SEC24B: variants seen among roughly 807,000 people sequenced by gnomAD.
SEC24B encodes protein transport protein Sec24B.
In SEC24B, 45 loss-of-function variants were observed where a neutral mutation model predicts 142.8. The ratio of observed to expected loss-of-function variants is 0.32; its 90% confidence interval spans 0.25 to 0.40. The LOEUF is 0.40. Ranked by LOEUF, SEC24B falls within the 10% of genes least tolerant of loss-of-function variation. The probability of loss-of-function intolerance (pLI) is 1.00; values close to 1 mark genes in which losing one functional copy is unlikely to be tolerated. For missense variants in SEC24B, 1,409 were observed against 1,526.8 expected (o/e 0.92, Z 1.29); for synonymous variants, 574 against 568.2 (o/e 1.01, Z -0.15).
intron 3 of SEC24B, among the ~76,000 whole-genome samples, chr4:109,480,572 C>T (rs1440863020): frequency 2.0e-5 from 3 of 152,194 alleles, no homozygotes; most frequent in Admixed American, 2.0e-4. Flanking sequence ...ACCTCTGCCT[C>T]CCAGCAGAGG....
intron 2 of SEC24B, among the ~76,000 whole-genome samples, chr4:109,468,451 C>G (rs1327055491): frequency 6.6e-6 from 1 of 152,176 alleles, no homozygotes; most frequent in African/African-American, 2.4e-5. Flanking sequence ...GCCTCAATTT[C>G]TGCTGGACTG....
At chr4:109,450,728 C>T (rs548369923) in intron 1 of SEC24B, 19 of 148,930 alleles carry the variant, frequency 1.3e-4, no homozygotes, top group African/African-American at 4.4e-4. Context: ...CTCTCACCTG[C>T]ATCAATTACT....
At chr4:109,514,692 C>T (rs1335547418) in intron 10 of SEC24B, among the ~76,000 whole-genome samples, 3 of 152,150 alleles carry the variant, frequency 2.0e-5, no homozygotes, top group Admixed American at 2.0e-4. Flanking sequence ...GGGAAGACTC[C>T]GTCTCAAAAA....
At chr4:109,528,435 A>G (rs1292513032) in intron 18 of SEC24B, among the ~76,000 whole-genome samples, 3 of 151,880 alleles carry the variant, frequency 2.0e-5, no homozygotes, top group Non-Finnish European at 4.4e-5. Flanking sequence ...CATCTCAAAA[A>G]AAAAAAAAAA....
intron 5 of SEC24B, among the ~76,000 whole-genome samples, chr4:109,493,806 A>C (rs1578891168): frequency 6.6e-6 from 1 of 152,260 alleles, no homozygotes; most frequent in East Asian, 1.9e-4. Context: ...CATGTTGGCC[A>C]GGCTGGTCTC....
At chr4:109,538,389 T>G (rs1384929212) in intron 22 of SEC24B, 104 bp from the exon 23 acceptor site, 18 of 699,378 alleles carry the variant, frequency 2.6e-5, no homozygotes, top group Non-Finnish European at 4.4e-5. Flanking sequence ...GGCTAAGAAA[T>G]AGAGTGCTGG....
chr4:109,499,608 A>C (rs1405217591), intron 6 of SEC24B, among the ~76,000 whole-genome samples: 2 of 152,232 alleles, frequency 1.3e-5, no homozygotes, highest in Non-Finnish European at 2.9e-5. Context: ...TGGTCCCATA[A>C]GATTATAATG....
At chr4:109,461,483 TA>T (rs1468274558) in intron 1 of SEC24B, among the ~76,000 whole-genome samples, 2 of 152,198 alleles carry the variant, frequency 1.3e-5, no homozygotes, top group African/African-American at 4.8e-5. Flanking sequence ...ATCTCTACAA[TA>T]AAGTACTATA....
chr4:109,534,237 T>C (rs1486070779), intron 22 of SEC24B, among the ~76,000 whole-genome samples: 1 of 151,620 alleles, frequency 6.6e-6, no homozygotes, highest in Non-Finnish European at 1.5e-5. Context: ...CATTTAAACG[T>C]AAAAAAGGAA....
intron 3 of SEC24B, among the ~76,000 whole-genome samples, chr4:109,475,009 C>T (rs917898401): frequency 2.6e-5 from 4 of 152,098 alleles, no homozygotes; most frequent in Admixed American, 6.6e-5. Flanking sequence ...GTAACTTGCC[C>T]AAGACTACAA....
intron 4 of SEC24B, among the ~76,000 whole-genome samples, chr4:109,482,644 G>C (rs1733848866): frequency 6.6e-6 from 1 of 151,484 alleles, no homozygotes; most frequent in East Asian, 1.9e-4. Flanking sequence ...ATTTTGCTTT[G>C]TTTTTTATTT....
chr4:109,449,522 A>G, intron 1 of SEC24B: 1 of 455,178 alleles, frequency 2.2e-6, no homozygotes, highest in Non-Finnish European at 4.4e-6. Context: ...GTGTGCCACT[A>G]CGCCCAGACA....
At chr4:109,498,655 C>A (rs761783614) in intron 6 of SEC24B, among the ~76,000 whole-genome samples, 1 of 152,196 alleles carries the variant, frequency 6.6e-6, no homozygotes. Context: ...TGACCCACCA[C>A]GCCTGGCTCA....
At position 109,494,707 on chromosome 4, in the gene SEC24B, C is replaced by T. The variant is rs769376284; in HGVS notation, c.1339C>T (p.Pro447Ser). The stretch of plus-strand genomic sequence containing the variant: ...TCCAGCTCCAGCTTCAGCTCCAGCT[C>T]CTGTCGTCCCTCAGCCTTCAAAAAT... ...SAPAPASAPA[P>S]VVPQPSKMAK... Residue 447 changes from proline to serine, a missense_variant, in exon 6 of 24, where the codon CCT becomes TCT. By Grantham distance (74) the Pro-to-Ser change is moderately conservative (BLOSUM62 -1). Transcript: ENST00000265175. 6.2e-7 allele frequency: 1 copy of T among 1,614,008 alleles called. No individual in the cohort carries two copies. The highest frequency in any genetic ancestry group is 1.1e-5 in the South Asian group (1 of 91,078).
At chr4:109,476,875 C>T (rs1166751037) in intron 3 of SEC24B, among the ~76,000 whole-genome samples, 1 of 152,158 alleles carries the variant, frequency 6.6e-6, no homozygotes, top group African/African-American at 2.4e-5. Context: ...CAGTGGCTCA[C>T]GCCTGTAATC....
intron 4 of SEC24B, among the ~76,000 whole-genome samples, chr4:109,486,836 G>A (rs892845952): frequency 2.6e-5 from 4 of 152,180 alleles, no homozygotes; most frequent in African/African-American, 4.8e-5. Context: ...CGTATAATAT[G>A]ATAGGGAAAC....
chr4:109,491,246 C>A, intron 4 of SEC24B, 81 bp from the exon 5 acceptor site: 1 of 1,087,130 alleles, frequency 9.2e-7, no homozygotes, highest in Non-Finnish European at 1.4e-6. Flanking sequence ...TCCGCAAAAA[C>A]ATCTTTTTCA....
At chr4:109,517,707 CAG>C (rs1466117704) in intron 11 of SEC24B, among the ~76,000 whole-genome samples, 14 of 152,032 alleles carry the variant, frequency 9.2e-5, no homozygotes, top group African/African-American at 3.1e-4. Context: ...TTTTACATGA[CAG>C]ATACATACAA....
chr4:109,448,608 C>T (rs1360647971), intron 1 of SEC24B, among the ~76,000 whole-genome samples: 4 of 151,492 alleles, frequency 2.6e-5, no homozygotes, highest in African/African-American at 9.7e-5. Flanking sequence ...CTAATTTTTG[C>T]GTTTTTGTAT....
Sources: allele counts gnomAD v4.1 joint callset (sites outside exome capture counted in the v4.1 genomes callset), GRCh38; gene constraint gnomAD v4.1.1; transcripts MANE v1.5; gene names NCBI Gene and HGNC (gene_info 2026-07-23, HGNC 2026-07-21).